CARMIL1: variants seen among roughly 807,000 people sequenced by gnomAD.
CARMIL1 encodes F-actin-uncapping protein LRRC16A.
A neutral mutation model predicts 177.1 loss-of-function variants in CARMIL1; 90 were observed. The ratio of observed to expected loss-of-function variants is 0.51; its 90% CI spans 0.43 to 0.61. The LOEUF (loss-of-function observed/expected upper bound fraction) is 0.61. CARMIL1 is among the 20% of genes least tolerant of loss of function. The probability of loss-of-function intolerance (pLI) is 0.00; values close to 1 mark genes in which losing one functional copy is unlikely to be tolerated. For missense variants in CARMIL1, 1,380 were observed against 1,667.0 expected (o/e 0.83, Z 3.00); for synonymous variants, 577 against 606.2 (o/e 0.95, Z 0.71).
At chr6:25,576,173 T>C (rs531893771) in intron 29 of CARMIL1, among the ~76,000 whole-genome samples, 70 of 152,254 alleles carry the variant, frequency 4.6e-4, no homozygotes, top group African/African-American at 1.6e-3. Flanking sequence ...AAGAAGAGGA[T>C]GCCCTAACAA....
intron 2 of CARMIL1, among the ~76,000 whole-genome samples, chr6:25,346,613 T>C (rs576105411): frequency 6.6e-6 from 1 of 152,362 alleles, no homozygotes; most frequent in East Asian, 1.9e-4. Flanking sequence ...TACTGGAGTG[T>C]AAGTTCCACA....
chr6:25,459,436 A>G (rs1799949503), intron 8 of CARMIL1, among the ~76,000 whole-genome samples: 1 of 151,246 alleles, frequency 6.6e-6, no homozygotes, highest in Admixed American at 6.6e-5. Flanking sequence ...ATTTATTTGT[A>G]AAGATGGGAT....
At chr6:25,413,160 T>C (rs575461215) in intron 2 of CARMIL1, among the ~76,000 whole-genome samples, 6 of 150,872 alleles carry the variant, frequency 4.0e-5, no homozygotes, top group African/African-American at 1.5e-4. Context: ...TAGGTATATG[T>C]CTTGGATTAA....
chr6:25,419,522 G>T (rs1466262971), intron 2 of CARMIL1, among the ~76,000 whole-genome samples: 2 of 152,178 alleles, frequency 1.3e-5, no homozygotes, highest in Non-Finnish European at 2.9e-5. Flanking sequence ...CAGGCTGTAT[G>T]TATGTTCTTA....
At chr6:25,483,681 C>CAA (rs11452946) in intron 12 of CARMIL1, among the ~76,000 whole-genome samples, 6,943 of 89,720 alleles carry the variant, frequency 0.077, 665 homozygotes, top group African/African-American at 0.22. Flanking sequence ...ATCTCTGTCT[C>CAA]AAAAAAAAAA....
At chr6:25,339,527 G>A (rs1027357936) in intron 2 of CARMIL1, among the ~76,000 whole-genome samples, 1 of 152,136 alleles carries the variant, frequency 6.6e-6, no homozygotes, top group Admixed American at 6.5e-5. Context: ...CCTTGTTTGG[G>A]TATTCAGGTA....
chr6:25,307,962 T>C (rs1783411097), intron 2 of CARMIL1, among the ~76,000 whole-genome samples: 2 of 152,250 alleles, frequency 1.3e-5, no homozygotes, highest in African/African-American at 4.8e-5. Flanking sequence ...CAAGTGTTGT[T>C]ACGGCAGGTG....
intron 2 of CARMIL1, among the ~76,000 whole-genome samples, chr6:25,362,698 C>A (rs558936741): frequency 4.6e-5 from 7 of 152,064 alleles, no homozygotes; most frequent in South Asian, 2.1e-4. Context: ...AACAAAAAAA[C>A]CACTACACGA....
rs199573016 is a variant in CARMIL1 at position 25,441,320 on chromosome 6, CAT to C, written c.371+5733_371+5734del. ...ATCTCAAAACAAACAAACAAACAAA[CAT>C]ATATATATATATATATGTGTGTGTG... On this transcript the variant is annotated intron_variant, in intron 5 of 36. Coordinates refer to ENST00000329474, the MANE Select transcript of CARMIL1 (RefSeq NM_017640.6). 2.8e-3 allele frequency among the ~76,000 whole-genome samples: 282 copies of C among 99,658 alleles called. 4 individuals carry two copies. Among genetic ancestry groups the C allele is most frequent in the South Asian group, 7.1e-3 (19 of 2,692 alleles). The allele number at this position is 99,658 out of a possible 152,430, so 65.4% of individuals were successfully genotyped here. A position where few individuals can be genotyped will look rare whatever the true frequency, so the allele number is the denominator to read the frequency against.
rs997041136 is a variant in CARMIL1 at position 25,542,926 on chromosome 6, A to G, written c.2328+2848A>G. Among the ~76,000 whole-genome samples, 6 of 152,348 alleles carry G rather than the reference A, an allele frequency of 3.9e-5. No homozygotes were observed. In the South Asian group the frequency reaches 8.3e-4, roughly 21 times the overall value. ...TATTGTGGCTGTTACTGAATTCACT[A>G]CTACTATCAAATTTTCCTAGTTAAA... On this transcript the variant is annotated intron_variant, in intron 26 of 36. Transcript: ENST00000329474.
intron 5 of CARMIL1, among the ~76,000 whole-genome samples, chr6:25,436,578 A>G (rs1361483781): frequency 6.6e-6 from 1 of 152,244 alleles, no homozygotes; most frequent in African/African-American, 2.4e-5. Flanking sequence ...ATGGATGACT[A>G]AAAGTGGCTC....
intron 8 of CARMIL1, among the ~76,000 whole-genome samples, chr6:25,459,266 C>CTTTCTTTCTTTCTTTTTTTTTTT: frequency 1.4e-5 from 1 of 73,752 alleles, no homozygotes; most frequent in Non-Finnish European, 3.0e-5. Flanking sequence ...TTCTTTCTTT[C>CTTTCTTTCTTTCTTTTTTTTTTT]TTTTTTTTTT....
chr6:25,285,125 A>G (rs1459122827), intron 2 of CARMIL1, among the ~76,000 whole-genome samples: 2 of 152,200 alleles, frequency 1.3e-5, no homozygotes, highest in Non-Finnish European at 2.9e-5. Context: ...TTTAGATTGT[A>G]TTTCTCAAAG....
At chr6:25,521,499 A>G (rs900165139) in intron 23 of CARMIL1, among the ~76,000 whole-genome samples, 3 of 152,190 alleles carry the variant, frequency 2.0e-5, no homozygotes, top group African/African-American at 4.8e-5. Flanking sequence ...GATGGGCGCG[A>G]TGGCTCACGC....
In CARMIL1 at chr6:25,461,296, G is replaced by A. The variant is rs183266811; in HGVS notation, c.615-4577G>A. On this transcript the variant is annotated intron_variant, in intron 8 of 36. Coordinates refer to ENST00000329474, the MANE Select transcript of CARMIL1 (RefSeq NM_017640.6). ...TCTACGACTACCTTGCGTGCATGAA[G>A]TCATGCCTCCTAAGTGTAGCTTTCA... is the stretch of plus-strand genomic sequence containing the variant. Among the ~76,000 whole-genome samples, 91 of 152,308 alleles carry A rather than the reference G, an allele frequency of 6.0e-4. No homozygotes were observed. The South Asian group carries it at 0.011, about 18-fold the overall frequency.
chr6:25,607,844 A>G (rs1355896693), intron 35 of CARMIL1, among the ~76,000 whole-genome samples: 1 of 152,194 alleles, frequency 6.6e-6, no homozygotes, highest in Non-Finnish European at 1.5e-5. Flanking sequence ...GAGAAGCCAC[A>G]AAGAAAGTGG....
intron 5 of CARMIL1, among the ~76,000 whole-genome samples, chr6:25,442,116 A>G (rs1158517778): frequency 1.3e-5 from 2 of 152,012 alleles, no homozygotes; most frequent in Non-Finnish European, 2.9e-5. Flanking sequence ...GACAGCTGCC[A>G]TGTTGCATAG....
chr6:25,600,868 T>A, intron 33 of CARMIL1, 122 bp downstream of exon 33: 5 of 903,992 alleles, frequency 5.5e-6, no homozygotes, highest in Non-Finnish European at 8.0e-6. Flanking sequence ...CTTTCCTTTA[T>A]GCTGGGAATA....
intron 2 of CARMIL1, among the ~76,000 whole-genome samples, chr6:25,327,719 A>G (rs1213944628): frequency 6.6e-6 from 1 of 152,226 alleles, no homozygotes; most frequent in African/African-American, 2.4e-5. Context: ...TAGCATAACA[A>G]GCTGCAATAA....
Sources: allele counts gnomAD v4.1 joint callset (sites outside exome capture counted in the v4.1 genomes callset), GRCh38; gene constraint gnomAD v4.1.1; transcripts MANE v1.5; gene names NCBI Gene and HGNC (gene_info 2026-07-23, HGNC 2026-07-21).